The following GNB1L variants were observed in gnomAD, a reference collection of about 807,000 sequenced individuals.
GNB1L encodes G protein subunit beta 1 like, also known as guanine nucleotide-binding protein subunit beta-like protein 1.
In GNB1L, 20 loss-of-function variants were observed where a neutral mutation model predicts 29.1. That is an observed-to-expected ratio of 0.69 (90% CI 0.48 to 1.00). GNB1L has a LOEUF of 1.00. Among genes scored for constraint, GNB1L ranks in the 50% least tolerant of loss-of-function variants. GNB1L has a pLI of 0.00. For synonymous variants in GNB1L, 193 were observed against 206.5 expected (o/e 0.93, Z 0.56); for missense variants, 421 against 464.9 (o/e 0.91, Z 0.87).
At chr22:19,791,048 T>C (rs1224632621) in intron 7 of GNB1L, among the ~76,000 whole-genome samples, 1 of 152,108 alleles carries the variant, frequency 6.6e-6, no homozygotes, top group Non-Finnish European at 1.5e-5. Flanking sequence ...CTGGGCAACA[T>C]ATAGAGATAC....
In GNB1L at chr22:19,852,352, G is replaced by A. The variant is rs796983643; in HGVS notation, c.-21+2091C>T. 3.3e-5 allele frequency: 47 copies of A among 1,418,210 alleles called. No individual in the cohort carries two copies. In the African/African-American group the frequency reaches 4.0e-4, roughly 12 times the overall value. 87.9% of individuals were successfully genotyped at this position (1,418,210 alleles called of 1,614,324 possible). A position where few individuals can be genotyped will look rare whatever the true frequency, so the allele number is the denominator to read the frequency against. On this transcript the variant is annotated intron_variant, in intron 2 of 7. Coordinates refer to ENST00000329517, the MANE Select transcript of GNB1L (RefSeq NM_053004.3). ...TGGCTTGCACGACACAACAGGACAGGGATGGCTGAACAGGGCGTGGCAGAC... is the reference window on the plus strand; with the variant it reads ...TGGCTTGCACGACACAACAGGACAGAGATGGCTGAACAGGGCGTGGCAGAC...
intron 2 of GNB1L, among the ~76,000 whole-genome samples, chr22:19,845,349 C>T (rs772330643): frequency 2.0e-5 from 3 of 152,238 alleles, no homozygotes; most frequent in Admixed American, 1.3e-4. Flanking sequence ...GAGGGCCCCC[C>T]CTATGCACAG....
At chr22:19,844,604 T>C (rs1937921745) in intron 2 of GNB1L, among the ~76,000 whole-genome samples, 1 of 152,200 alleles carries the variant, frequency 6.6e-6, no homozygotes, top group Non-Finnish European at 1.5e-5. Context: ...GCCACCAGGC[T>C]GCAGAGGCAG....
intron 2 of GNB1L, among the ~76,000 whole-genome samples, chr22:19,845,197 C>T (rs1197970411): frequency 1.3e-5 from 2 of 152,228 alleles, no homozygotes; most frequent in African/African-American, 4.8e-5. Context: ...CCCGACCACC[C>T]AGCTGCATGC....
At chr22:19,848,670 C>G in intron 2 of GNB1L, 1 of 985,552 alleles carries the variant, frequency 1.0e-6, no homozygotes, top group Non-Finnish European at 1.2e-6. Context: ...CAAGGACTCT[C>G]AAGCCTGCCT....
At position 19,830,827 on chromosome 22, in the gene GNB1L, T is replaced by A. The variant is rs1274370498; in HGVS notation, c.-20-9452A>T. On this transcript the variant is annotated intron_variant, in intron 2 of 7. Transcript: ENST00000329517. ...TAGGATTAAAAGTATAGTACTCCTGTATAGACAGATGGATCAGTGAAATAG... is the reference window on the plus strand; with the variant it reads ...TAGGATTAAAAGTATAGTACTCCTGAATAGACAGATGGATCAGTGAAATAG... 2.0e-5 allele frequency among the ~76,000 whole-genome samples: 3 copies of A among 152,286 alleles called. No homozygotes were observed. The East Asian group carries it at 5.8e-4, about 29-fold the overall frequency.
rs1440744184 is a variant in GNB1L at position 19,784,988 on chromosome 22, A to G, written c.*3721T>C. ...TCACAGCCACGAGAATCTGGATTTGAACAGAAAAAGCCCCCAGCCGCGCTG... is the reference window on the plus strand; with the variant it reads ...TCACAGCCACGAGAATCTGGATTTGGACAGAAAAAGCCCCCAGCCGCGCTG... On this transcript the variant is annotated 3_prime_UTR_variant, in exon 8 of 8. Transcript: ENST00000329517. The G allele has an allele frequency of 6.6e-6, 1 of 152,268 alleles. No homozygotes were observed. Among genetic ancestry groups the G allele is most frequent in the Non-Finnish European group, 1.5e-5 (1 of 68,082 alleles). The allele number at this position is 152,268 out of a possible 1,614,324, so 9.4% of individuals were successfully genotyped here. A position where few individuals can be genotyped will look rare whatever the true frequency, so the allele number is the denominator to read the frequency against.
intron 2 of GNB1L, chr22:19,852,015 C>T: frequency 6.2e-7 from 1 of 1,614,162 alleles, no homozygotes; most frequent in Non-Finnish European, 8.5e-7. Context: ...ATGTGCCCAG[C>T]TAGGGGACCC....
chr22:19,791,506 C>T (rs1937252963), intron 7 of GNB1L, among the ~76,000 whole-genome samples: 1 of 152,168 alleles, frequency 6.6e-6, no homozygotes, highest in East Asian at 1.9e-4. Context: ...GAAGTCCAGG[C>T]AGAACATAGT....
Position 19,802,115 on chromosome 22 carries a change from G to A in GNB1L, c.618C>T (p.Cys206=), listed in dbSNP as rs1210242789. ...SEQKVCSRIA[C]HEEPVMDLDF... ...CAAGGTCCATGACGGGCTCCTCATG[G>A]CAGGCGATGCGGCTGCACACCTTCT... Residue 206 remains cysteine, a synonymous_variant, in exon 7 of 8, where the codon TGC becomes TGT. Transcript: ENST00000329517. 2 of 1,613,316 alleles carry A rather than the reference G, an allele frequency of 1.2e-6. No individual in the cohort carries two copies. The highest frequency in any genetic ancestry group is 2.7e-5 in the African/African-American group (2 of 74,936).
At chr22:19,833,738 C>T (rs538512705) in intron 2 of GNB1L, among the ~76,000 whole-genome samples, 4 of 152,040 alleles carry the variant, frequency 2.6e-5, no homozygotes, top group South Asian at 2.1e-4. Context: ...TGGTGGCGGG[C>T]GCCTGTAATC....
At chr22:19,814,364 G>A (rs575733593) in intron 4 of GNB1L, among the ~76,000 whole-genome samples, 48 of 152,220 alleles carry the variant, frequency 3.2e-4, no homozygotes, top group African/African-American at 6.0e-4. Flanking sequence ...CGATCCTCCC[G>A]TCTCGGCCTC....
intron 2 of GNB1L, among the ~76,000 whole-genome samples, chr22:19,840,574 T>C (rs560693561): frequency 3.2e-4 from 48 of 151,400 alleles, no homozygotes; most frequent in African/African-American, 1.2e-3. Context: ...CTTTGGGAGG[T>C]CGAGGCGGGT....
At chr22:19,852,111 A>T (rs371711270) in intron 2 of GNB1L, 49 of 1,614,106 alleles carry the variant, frequency 3.0e-5, no homozygotes, top group Non-Finnish European at 4.0e-5. Context: ...TCCCCACAGC[A>T]GGGCCGCTCA....
intron 4 of GNB1L, among the ~76,000 whole-genome samples, chr22:19,813,280 C>G (rs1486075647): frequency 6.6e-6 from 1 of 152,114 alleles, no homozygotes; most frequent in Non-Finnish European, 1.5e-5. Context: ...ATGCTGTTCT[C>G]CAAAAACAGG....
intron 4 of GNB1L, among the ~76,000 whole-genome samples, chr22:19,817,500 A>G (rs1937537839): frequency 6.6e-6 from 1 of 152,198 alleles, no homozygotes; most frequent in African/African-American, 2.4e-5. Context: ...AAAAAAACGT[A>G]AGAAAAAGAA....
intron 7 of GNB1L, among the ~76,000 whole-genome samples, chr22:19,789,184 C>T (rs748370345): frequency 1.3e-5 from 2 of 152,180 alleles, no homozygotes; most frequent in Admixed American, 6.5e-5. Flanking sequence ...TGCTGCTCCT[C>T]GCACCAGCTC....
At chr22:19,819,154 C>CT (rs1356618460) in intron 4 of GNB1L, among the ~76,000 whole-genome samples, 6 of 152,252 alleles carry the variant, frequency 3.9e-5, no homozygotes, top group Admixed American at 3.3e-4. Context: ...CTTCACCACA[C>CT]TCAGAGGCAG....
At chr22:19,840,549 C>A (rs1366521145) in intron 2 of GNB1L, among the ~76,000 whole-genome samples, 1 of 152,182 alleles carries the variant, frequency 6.6e-6, no homozygotes, top group South Asian at 2.1e-4. Context: ...ATGGCTCACA[C>A]CTGTAATCCC....
Sources: gnomAD v4.1 joint callset for allele counts (sites outside exome capture counted in the v4.1 genomes callset) on GRCh38, gnomAD v4.1.1 for gene constraint, MANE v1.5 for transcripts, NCBI Gene and HGNC (gene_info 2026-07-23, HGNC 2026-07-21) for gene names.